JAK1: variants seen among roughly 807,000 people sequenced by gnomAD.
The protein encoded by JAK1 is tyrosine-protein kinase JAK1.
Under a neutral mutation model 136.6 loss-of-function variants are expected in JAK1, and 16 were observed. The ratio of observed to expected loss-of-function variants is 0.12; its 90% CI spans 0.08 to 0.18. JAK1 has a LOEUF of 0.18. JAK1 is among the 10% of genes least tolerant of loss of function. The probability of loss-of-function intolerance (pLI) is 1.00; values close to 1 mark genes in which losing one functional copy is unlikely to be tolerated. For missense variants in JAK1, 859 were observed against 1,450.1 expected (o/e 0.59, Z 6.62); for synonymous variants, 492 against 519.5 (o/e 0.95, Z 0.72).
intron 2 of JAK1, among the ~76,000 whole-genome samples, chr1:65,039,734 G>A (rs1290905706): frequency 2.0e-5 from 3 of 152,106 alleles, no homozygotes; most frequent in Non-Finnish European, 4.4e-5. Flanking sequence ...GGTATTTTTG[G>A]ATGCTGACTG....
intron 2 of JAK1, among the ~76,000 whole-genome samples, chr1:64,885,354 G>T (rs370044429): frequency 1.6e-4 from 24 of 152,298 alleles, no homozygotes; most frequent in African/African-American, 5.1e-4. Context: ...CTTTATAGAC[G>T]TGACAGGGGA....
At chr1:64,900,013 T>C (rs1205446756) in intron 1 of JAK1, among the ~76,000 whole-genome samples, 8 of 152,224 alleles carry the variant, frequency 5.3e-5, no homozygotes, top group Admixed American at 1.3e-4. Flanking sequence ...TTACTTCATT[T>C]TGCACACTTT....
At chr1:64,941,878 C>T (rs983889223) in intron 1 of JAK1, 4 of 152,130 alleles carry the variant, frequency 2.6e-5, no homozygotes, top group African/African-American at 9.7e-5. Context: ...GAAGATTAGG[C>T]AGGTGTGGTT....
At chr1:64,851,925 C>T (rs1489373338) in intron 11 of JAK1, among the ~76,000 whole-genome samples, 1 of 152,174 alleles carries the variant, frequency 6.6e-6, no homozygotes, top group African/African-American at 2.4e-5. Flanking sequence ...AGTCCTGATT[C>T]CTGGACTGTA....
chr1:65,001,740 G>C (rs996287967), intron 2 of JAK1, among the ~76,000 whole-genome samples: 5 of 151,550 alleles, frequency 3.3e-5, no homozygotes, highest in African/African-American at 1.2e-4. Flanking sequence ...ATGTGTGTTT[G>C]AGGGGCAGCA....
chr1:64,978,663 A>G (rs1646517368), intron 2 of JAK1, among the ~76,000 whole-genome samples: 1 of 152,182 alleles, frequency 6.6e-6, no homozygotes, highest in African/African-American at 2.4e-5. Flanking sequence ...TTACAGGAAT[A>G]TCAGATTGCT....
At chr1:65,001,166 C>T (rs954977464) in intron 2 of JAK1, among the ~76,000 whole-genome samples, 1 of 152,176 alleles carries the variant, frequency 6.6e-6, no homozygotes, top group African/African-American at 2.4e-5. Context: ...TTTCCAAGAT[C>T]TCATCATGTT....
rs542830444 is a variant in JAK1 at position 64,857,346 on chromosome 1, T to C, written c.1458+310A>G. Among the ~76,000 whole-genome samples the C allele has an allele frequency of 7.2e-5, 11 of 152,358 alleles. No homozygotes were observed. The South Asian group carries it at 2.1e-3, about 29-fold the overall frequency. ...ACCACTCTAAATAATGACACTATAC[T>C]TTCCAAGTGTTGGGTGTGAATTGGT... On this transcript the variant is annotated intron_variant, in intron 10 of 24. Coordinates refer to ENST00000342505, the MANE Select transcript of JAK1 (RefSeq NM_002227.4).
At chr1:65,067,574 C>T (rs1441944679) in intron 1 of JAK1, 2 of 146,076 alleles carry the variant, frequency 1.4e-5, no homozygotes, top group Non-Finnish European at 3.0e-5. Flanking sequence ...CCCCGCCGCC[C>T]CCGCGCCCGG....
At chr1:65,025,916 C>T (rs1009460687) in intron 2 of JAK1, among the ~76,000 whole-genome samples, 1 of 152,024 alleles carries the variant, frequency 6.6e-6, no homozygotes, top group South Asian at 2.1e-4. Flanking sequence ...TGGACTCAAG[C>T]GATCCTCCTG....
At chr1:64,981,390 G>A (rs187109176) in intron 2 of JAK1, among the ~76,000 whole-genome samples, 5 of 152,168 alleles carry the variant, frequency 3.3e-5, no homozygotes, top group African/African-American at 7.2e-5. Flanking sequence ...GTTCCAGTAC[G>A]GCAGGCTTTT....
intron 3 of JAK1, 125 bp downstream of exon 3, chr1:64,883,152 A>G (rs1570700952): frequency 1.4e-6 from 1 of 699,292 alleles, no homozygotes. Context: ...AGAGGCAGGG[A>G]GGAACCTGAC....
At chr1:65,041,175 G>A (rs1647129030) in intron 2 of JAK1, among the ~76,000 whole-genome samples, 1 of 152,176 alleles carries the variant, frequency 6.6e-6, no homozygotes, top group South Asian at 2.1e-4. Context: ...GCACGGGTCG[G>A]AGCAGCCAGC....
intron 1 of JAK1, among the ~76,000 whole-genome samples, chr1:64,940,997 T>G (rs1645880352): frequency 6.6e-6 from 1 of 152,018 alleles, no homozygotes; most frequent in Admixed American, 6.6e-5. Flanking sequence ...AAACCCTGTC[T>G]CTACTAAAAA....
chr1:64,836,036 C>CA (rs1336395758), intron 23 of JAK1, 62 bp downstream of exon 23: 1 of 861,374 alleles, frequency 1.2e-6, no homozygotes, highest in African/African-American at 1.7e-5. Flanking sequence ...GTTAACCAAG[C>CA]AGAGGGATGG....
At chr1:65,054,887 G>A (rs1368134587) in intron 1 of JAK1, among the ~76,000 whole-genome samples, 2 of 152,166 alleles carry the variant, frequency 1.3e-5, no homozygotes, top group East Asian at 1.9e-4. Flanking sequence ...ATAAAGACAT[G>A]GCAATTACAT....
chr1:64,985,159 C>T (rs1237135403), intron 2 of JAK1: 3 of 1,354,258 alleles, frequency 2.2e-6, no homozygotes, highest in Non-Finnish European at 3.2e-6. Context: ...GTATTAACCA[C>T]ACCCACACCA....
chr1:65,042,916 A>T (rs1298926655), intron 2 of JAK1, among the ~76,000 whole-genome samples: 2 of 152,208 alleles, frequency 1.3e-5, no homozygotes, highest in Admixed American at 1.3e-4. Flanking sequence ...AGAAGTGTAA[A>T]GATTCTCCTA....
chr1:64,870,485 A>C (rs1225172803), intron 5 of JAK1, among the ~76,000 whole-genome samples: 2 of 152,146 alleles, frequency 1.3e-5, no homozygotes, highest in African/African-American at 4.8e-5. Context: ...CAAGTCAAGT[A>C]GAAGAATTGA....
Sources: gnomAD v4.1 joint callset for allele counts (sites outside exome capture counted in the v4.1 genomes callset) on GRCh38, gnomAD v4.1.1 for gene constraint, MANE v1.5 for transcripts, NCBI Gene and HGNC (gene_info 2026-07-23, HGNC 2026-07-21) for gene names.